Variants in ZC2HC1A observed in about 807,000 individuals in gnomAD.
The protein encoded by ZC2HC1A is zinc finger C2HC-type containing 1A, also known as zinc finger C2HC domain-containing protein 1A.
Under a neutral mutation model 40.7 loss-of-function variants are expected in ZC2HC1A, and 28 were observed. The ratio of observed to expected loss-of-function variants is 0.69; its 90% CI spans 0.51 to 0.94. ZC2HC1A has a LOEUF of 0.94. Among genes scored for constraint, ZC2HC1A ranks in the 40% least tolerant of loss-of-function variants. The pLI, the probability that ZC2HC1A is intolerant of heterozygous loss-of-function variation, is 0.00. For synonymous variants in ZC2HC1A, 129 were observed against 129.2 expected, an observed-to-expected ratio of 1.00 and a Z score of 0.01; for missense variants, 389 against 386.3, an observed-to-expected ratio of 1.01 and a Z score of -0.06.
intron 5 of ZC2HC1A, among the ~76,000 whole-genome samples, chr8:78,696,217 G>C (rs1810407795): frequency 1.3e-5 from 2 of 152,022 alleles, no homozygotes; most frequent in Admixed American, 1.3e-4. Context: ...TGTATTTTTA[G>C]TAGAGACGGG....
chr8:78,713,771 C>G (rs1811017191), intron 7 of ZC2HC1A, among the ~76,000 whole-genome samples: 1 of 152,184 alleles, frequency 6.6e-6, no homozygotes, highest in Admixed American at 6.5e-5. Context: ...ATACAGCCCA[C>G]TTAAGTTCAA....
Position 78,696,965 on chromosome 8 carries a change from C to T in ZC2HC1A, c.505-442C>T, listed in dbSNP as rs543531747. Among the ~76,000 whole-genome samples the T allele has an allele frequency of 1.2e-4, 18 of 152,094 alleles. No homozygotes were observed. In the East Asian group the frequency reaches 3.3e-3, roughly 28 times the overall value. ...TTTGAGGAAGTTTTTTCCGTTAGAC[C>T]TTTTTTTCTTTTTCCTGTGAACTGA... On this transcript the variant is annotated intron_variant, in intron 5 of 8. Coordinates refer to ENST00000263849, the MANE Select transcript of ZC2HC1A (RefSeq NM_016010.3).
chr8:78,697,277 C>A, intron 5 of ZC2HC1A, 130 bp from the exon 6 acceptor site: 1 of 682,798 alleles, frequency 1.5e-6, no homozygotes, highest in Non-Finnish European at 2.4e-6. Context: ...CATCACCATT[C>A]ATTTCCACAA....
At chr8:78,705,968 T>C (rs1810760043) in intron 7 of ZC2HC1A, among the ~76,000 whole-genome samples, 1 of 152,126 alleles carries the variant, frequency 6.6e-6, no homozygotes, top group Non-Finnish European at 1.5e-5. Flanking sequence ...AGGTCCCAGT[T>C]GTGAGGTCCT....
At chr8:78,675,761 A>G in intron 1 of ZC2HC1A, 26 bp from the exon 2 acceptor site, 1 of 1,549,944 alleles carries the variant, frequency 6.5e-7, no homozygotes, top group South Asian at 1.2e-5. Context: ...TATATAAATT[A>G]TTTATTAAAT....
chr8:78,712,308 T>C (rs1007691312), intron 7 of ZC2HC1A, among the ~76,000 whole-genome samples: 2 of 152,168 alleles, frequency 1.3e-5, no homozygotes, highest in Non-Finnish European at 1.5e-5. Flanking sequence ...TAAAACTTTT[T>C]AGGTTATACA....
intron 7 of ZC2HC1A, chr8:78,711,964 G>A (rs2130604627): frequency 7.9e-7 from 1 of 1,261,752 alleles, no homozygotes; most frequent in African/African-American, 1.5e-5. Context: ...ATCTCCTTAT[G>A]GGTACACCTT....
chr8:78,683,787 T>C (rs1429928820), intron 3 of ZC2HC1A, among the ~76,000 whole-genome samples: 4 of 152,198 alleles, frequency 2.6e-5, no homozygotes, highest in Non-Finnish European at 4.4e-5. Context: ...TCCAAACTTA[T>C]ATATTCTGCT....
chr8:78,707,139 C>T (rs866683826), intron 7 of ZC2HC1A, among the ~76,000 whole-genome samples: 1 of 152,054 alleles, frequency 6.6e-6, no homozygotes. Context: ...GTCATTTTAC[C>T]ATATCACAGA....
rs6473116 is a variant in ZC2HC1A, at chr8:78,715,513, A to C, written c.812+185A>C. 3.2e-3 allele frequency among the ~76,000 whole-genome samples: 493 copies of C among 152,314 alleles called. 2 individuals are homozygous for C. Among genetic ancestry groups the C allele is most frequent in the African/African-American group, 0.011 (466 of 41,564 alleles). On this transcript the variant is annotated intron_variant, in intron 8 of 8. Transcript: ENST00000263849. ...AAAGTAAACTGAAAACCTTCTGTAA[A>C]GGATTAACCCTTCTACATGCCACTA...
At chr8:78,701,063 A>C (rs1435319182) in intron 7 of ZC2HC1A, among the ~76,000 whole-genome samples, 1 of 152,194 alleles carries the variant, frequency 6.6e-6, no homozygotes, top group Non-Finnish European at 1.5e-5. Context: ...ATAGCATTGA[A>C]TCTATAAATT....
chr8:78,692,268 A>G (rs192532514), intron 5 of ZC2HC1A, among the ~76,000 whole-genome samples: 40 of 152,268 alleles, frequency 2.6e-4, no homozygotes, highest in Admixed American at 1.4e-3. Flanking sequence ...TTTAGATTCT[A>G]CATGTAAGTG....
intron 8 of ZC2HC1A, among the ~76,000 whole-genome samples, chr8:78,716,161 C>T (rs987461963): frequency 7.4e-5 from 11 of 149,322 alleles, no homozygotes; most frequent in African/African-American, 1.7e-4. Context: ...CTCGCTCTGT[C>T]GCTCAGGCTG....
rs144722698 is a variant in ZC2HC1A at position 78,688,910 on chromosome 8, G to A, written c.353-312G>A. Among the ~76,000 whole-genome samples the A allele has an allele frequency of 4.0e-3, 605 of 151,904 alleles. 3 individuals are homozygous for A. Among genetic ancestry groups the A allele is most frequent in the African/African-American group, 0.014 (568 of 41,486 alleles). Reference sequence around the variant, plus strand: ...TATCCATTATAAATGAAAACATAAAGGCAAAAAAGAAATAACGTTTTTCCT... The same window carrying A: ...TATCCATTATAAATGAAAACATAAAAGCAAAAAAGAAATAACGTTTTTCCT... On this transcript the variant is annotated intron_variant, in intron 4 of 8. Transcript: ENST00000263849.
At chr8:78,697,307 C>A in intron 5 of ZC2HC1A, 100 bp from the exon 6 acceptor site, 3 of 943,234 alleles carry the variant, frequency 3.2e-6, no homozygotes, top group Non-Finnish European at 4.6e-6. Context: ...TCTTGTAAGG[C>A]TGAAATCCTA....
At position 78,685,223 on chromosome 8, in the gene ZC2HC1A, G is replaced by A. The variant is rs145194089; in HGVS notation, c.211-1244G>A. Among the ~76,000 whole-genome samples the A allele has an allele frequency of 3.6e-3, 532 of 149,410 alleles. 4 individuals carry two copies. The highest frequency in any genetic ancestry group is 0.01 in the African/African-American group (424 of 40,794). The stretch of plus-strand genomic sequence containing the variant: ...CTGTTGTGGGGGGACAGGGAGGGGA[G>A]AGTCACTAAAGGATAGGACAACTGC... On this transcript the variant is annotated intron_variant, in intron 3 of 8. Coordinates refer to ENST00000263849, the MANE Select transcript of ZC2HC1A (RefSeq NM_016010.3).
chr8:78,715,387 C>A, intron 8 of ZC2HC1A, 59 bp downstream of exon 8: 6 of 1,450,578 alleles, frequency 4.1e-6, no homozygotes, highest in Middle Eastern at 3.6e-4. Flanking sequence ...GATAGTTTTC[C>A]AAGGACCATA....
At chr8:78,695,405 C>G (rs773352232) in intron 5 of ZC2HC1A, among the ~76,000 whole-genome samples, 1 of 152,148 alleles carries the variant, frequency 6.6e-6, no homozygotes, top group African/African-American at 2.4e-5. Flanking sequence ...AGGAACCTTT[C>G]TGCCTGTTTC....
At position 78,675,874 on chromosome 8, in the gene ZC2HC1A, T is replaced by C. The variant is rs745356965; in HGVS notation, c.93+11T>C. On this transcript the variant is annotated intron_variant, in intron 2 of 8. Transcript: ENST00000263849. ...TTTCCAGTAGCATTAGTGAGTAGAC[T>C]GATTTTGTACCTTTATGGTTTTACA... 1 of 1,604,322 alleles carries C rather than the reference T, an allele frequency of 6.2e-7. No individual in the cohort carries two copies. The highest frequency in any genetic ancestry group is 2.2e-5 in the East Asian group (1 of 44,556).
Sources: allele counts gnomAD v4.1 joint callset (sites outside exome capture counted in the v4.1 genomes callset), GRCh38; gene constraint gnomAD v4.1.1; transcripts MANE v1.5; gene names NCBI Gene and HGNC (gene_info 2026-07-23, HGNC 2026-07-21).